PRKG1: variants seen among roughly 807,000 people sequenced by gnomAD.
PRKG1 encodes the protein protein kinase cGMP-dependent 1.
A neutral mutation model predicts 88.1 loss-of-function variants in PRKG1; 35 were observed. That is an observed-to-expected ratio of 0.40 (90% CI 0.30 to 0.53). The LOEUF (loss-of-function observed/expected upper bound fraction) is 0.53. Ranked by LOEUF, PRKG1 falls within the 20% of genes least tolerant of loss-of-function variation. The pLI, the probability that PRKG1 is intolerant of heterozygous loss-of-function variation, is 0.59. For synonymous variants in PRKG1, 303 were observed against 292.5 expected, an observed-to-expected ratio of 1.04 and a Z score of -0.37; for missense variants, 540 against 839.8, an observed-to-expected ratio of 0.64 and a Z score of 4.41.
chr10:51,840,562 T>TTAC (rs981692507), intron 4 of PRKG1, among the ~76,000 whole-genome samples: 1 of 141,984 alleles, frequency 7.0e-6, no homozygotes, highest in African/African-American at 2.6e-5. Flanking sequence ...TATTTATTTA[T>TTAC]TGAGACAAAG....
chr10:51,382,931 G>T (rs1837147790), intron 2 of PRKG1, among the ~76,000 whole-genome samples: 1 of 152,110 alleles, frequency 6.6e-6, no homozygotes, highest in Non-Finnish European at 1.5e-5. Context: ...CCCTTTAGTA[G>T]GCTTAGGTAA....
At chr10:51,790,759 A>C (rs575046272) in intron 3 of PRKG1, among the ~76,000 whole-genome samples, 1 of 152,236 alleles carries the variant, frequency 6.6e-6, no homozygotes, top group African/African-American at 2.4e-5. Context: ...CCTCATAGTT[A>C]CTTCAAAATA....
intron 3 of PRKG1, among the ~76,000 whole-genome samples, chr10:51,691,208 G>C: frequency 6.6e-6 from 1 of 150,496 alleles, no homozygotes; most frequent in Admixed American, 6.6e-5. Context: ...AATGCATCAA[G>C]ATTTTTGTTT....
chr10:52,103,171 C>T (rs1361801045), intron 7 of PRKG1, among the ~76,000 whole-genome samples: 1 of 152,094 alleles, frequency 6.6e-6, no homozygotes, highest in Non-Finnish European at 1.5e-5. Context: ...CAATCCCATG[C>T]CCCCCATCCT....
chr10:51,927,007 G>T (rs1043694524), intron 5 of PRKG1, among the ~76,000 whole-genome samples: 15 of 152,032 alleles, frequency 9.9e-5, no homozygotes, highest in Non-Finnish European at 1.8e-4. Flanking sequence ...TCCTGTATTT[G>T]TTTCCTAAAT....
intron 3 of PRKG1, among the ~76,000 whole-genome samples, chr10:51,549,141 T>TTTTTTTTTA (rs1554820705): frequency 7.2e-6 from 1 of 138,040 alleles, no homozygotes; most frequent in Non-Finnish European, 1.5e-5. Context: ...TTTTTTTTTT[T>TTTTTTTTTA]GAGACAGAGT....
chr10:52,255,082 C>T (rs1309728015), intron 10 of PRKG1, among the ~76,000 whole-genome samples: 2 of 152,096 alleles, frequency 1.3e-5, no homozygotes, highest in Admixed American at 1.3e-4. Flanking sequence ...TGTTCAGTTA[C>T]TGTCTGTTTA....
intron 5 of PRKG1, among the ~76,000 whole-genome samples, chr10:51,931,182 A>G (rs1436195007): frequency 6.6e-6 from 1 of 152,218 alleles, no homozygotes; most frequent in Admixed American, 6.5e-5. Context: ...CATCTGTCTG[A>G]CAAAAAACTA....
intron 1 of PRKG1, among the ~76,000 whole-genome samples, chr10:51,009,280 A>T (rs904974331): frequency 3.3e-5 from 5 of 152,210 alleles, no homozygotes; most frequent in African/African-American, 9.6e-5. Context: ...TATTTATCTA[A>T]CTAATTTAGA....
chr10:51,821,239 C>A (rs139799636), intron 4 of PRKG1, among the ~76,000 whole-genome samples: 1 of 152,046 alleles, frequency 6.6e-6, no homozygotes, highest in African/African-American at 2.4e-5. Context: ...TTTGTTTATT[C>A]ATTTTTACTG....
At chr10:51,619,404 A>G (rs1374909504) in intron 3 of PRKG1, among the ~76,000 whole-genome samples, 12 of 152,234 alleles carry the variant, frequency 7.9e-5, no homozygotes, top group Non-Finnish European at 7.4e-5. Flanking sequence ...GTCTTTCCCC[A>G]TTATTTTGAT....
At chr10:51,806,515 A>C (rs184383452) in intron 4 of PRKG1, among the ~76,000 whole-genome samples, 1 of 152,328 alleles carries the variant, frequency 6.6e-6, no homozygotes, top group East Asian at 1.9e-4. Flanking sequence ...GCTGAATAAA[A>C]AAAGAGGTGG....
chr10:51,058,592 A>G (rs1320198920), intron 1 of PRKG1, among the ~76,000 whole-genome samples: 3 of 152,164 alleles, frequency 2.0e-5, no homozygotes, highest in Non-Finnish European at 4.4e-5. Flanking sequence ...CTAGGTTTGT[A>G]TAAATGAATA....
rs181054509 is a variant in PRKG1 at position 51,685,600 on chromosome 10, G to A, written c.593-118985G>A. Among the ~76,000 whole-genome samples the A allele has an allele frequency of 3.0e-3, 453 of 151,858 alleles. 2 individuals are homozygous for A. The highest frequency in any genetic ancestry group is 4.6e-3 in the Non-Finnish European group (316 of 67,962). Reference sequence around the variant, plus strand: ...CACTGTGTAAATTAAAATGCCTATTGGAATTAAAAAACATTTTAAATAATT... The same window carrying A: ...CACTGTGTAAATTAAAATGCCTATTAGAATTAAAAAACATTTTAAATAATT... On this transcript the variant is annotated intron_variant, in intron 3 of 17. Coordinates refer to ENST00000373980, the MANE Select transcript of PRKG1 (RefSeq NM_006258.4).
At chr10:51,568,274 G>A (rs1235095776) in intron 3 of PRKG1, among the ~76,000 whole-genome samples, 1 of 152,070 alleles carries the variant, frequency 6.6e-6, no homozygotes, top group Non-Finnish European at 1.5e-5. Flanking sequence ...CATATATAGT[G>A]CAGGGAATAC....
At chr10:51,117,181 C>G (rs1845146782) in intron 1 of PRKG1, among the ~76,000 whole-genome samples, 2 of 152,066 alleles carry the variant, frequency 1.3e-5, no homozygotes, top group Admixed American at 6.6e-5. Context: ...TATAGAGAAC[C>G]TGGACTCTTA....
At chr10:52,079,523 C>A (rs1288105917) in intron 7 of PRKG1, among the ~76,000 whole-genome samples, 2 of 152,132 alleles carry the variant, frequency 1.3e-5, no homozygotes, top group Non-Finnish European at 2.9e-5. Context: ...TTCTGTTTCC[C>A]TCTGAGGCCA....
intron 3 of PRKG1, among the ~76,000 whole-genome samples, chr10:51,557,241 A>C (rs1837336220): frequency 6.6e-6 from 1 of 152,026 alleles, no homozygotes; most frequent in African/African-American, 2.4e-5. Context: ...CTGCTGGGTT[A>C]GATAACTAAG....
At chr10:51,432,564 A>G (rs1333475390) in intron 2 of PRKG1, among the ~76,000 whole-genome samples, 1 of 152,186 alleles carries the variant, frequency 6.6e-6, no homozygotes, top group Non-Finnish European at 1.5e-5. Flanking sequence ...TTCAAAGAAT[A>G]CTGCCTGGTA....
Sources: gnomAD v4.1 joint callset for allele counts (sites outside exome capture counted in the v4.1 genomes callset) on GRCh38, gnomAD v4.1.1 for gene constraint, MANE v1.5 for transcripts, NCBI Gene and HGNC (gene_info 2026-07-23, HGNC 2026-07-21) for gene names.